The following MTUS1 variants were observed in gnomAD, a reference collection of about 807,000 sequenced individuals.
MTUS1 encodes microtubule-associated tumor suppressor 1.
In MTUS1, 109 loss-of-function variants were observed where a neutral mutation model predicts 120.8. That is an observed-to-expected ratio of 0.90 (90% confidence interval 0.77 to 1.06). The LOEUF is 1.06. Ranked by LOEUF, MTUS1 falls within the 50% of genes least tolerant of loss-of-function variation. The pLI, the probability that MTUS1 is intolerant of heterozygous loss-of-function variation, is 0.00. For synonymous variants in MTUS1, 737 were observed against 550.5 expected (o/e 1.34, Z -4.74); for missense variants, 2,210 against 1,486.3 (o/e 1.49, Z -8.01).
intron 6 of MTUS1, among the ~76,000 whole-genome samples, chr8:17,686,964 T>A (rs1043568613): frequency 6.6e-6 from 1 of 152,180 alleles, no homozygotes; most frequent in African/African-American, 2.4e-5. Context: ...TTCGAGGACA[T>A]ACATTTTTTA....
chr8:17,676,537 C>A, intron 7 of MTUS1: 1 of 576,850 alleles, frequency 1.7e-6, no homozygotes, highest in East Asian at 2.8e-5. Flanking sequence ...CAGCTTCTGC[C>A]TTTGGCACAG....
chr8:17,744,361 C>A (rs1156517317), intron 2 of MTUS1, among the ~76,000 whole-genome samples: 1 of 152,206 alleles, frequency 6.6e-6, no homozygotes, highest in African/African-American at 2.4e-5. Flanking sequence ...TTGGTCTCCA[C>A]AGCCCCTTAT....
At chr8:17,664,681 G>A (rs1462395129) in intron 8 of MTUS1, among the ~76,000 whole-genome samples, 3 of 152,064 alleles carry the variant, frequency 2.0e-5, no homozygotes, top group Non-Finnish European at 4.4e-5. Flanking sequence ...CCAGAAGCAG[G>A]AGGGGACACT....
chr8:17,785,260 A>T (rs1393526976), intron 1 of MTUS1, among the ~76,000 whole-genome samples: 1 of 152,226 alleles, frequency 6.6e-6, no homozygotes, highest in African/African-American at 2.4e-5. Context: ...ATAATTACAA[A>T]AACTGCAAAG....
chr8:17,717,924 A>C (rs569722914), intron 4 of MTUS1, among the ~76,000 whole-genome samples: 27 of 152,362 alleles, frequency 1.8e-4, no homozygotes, highest in African/African-American at 6.3e-4. Context: ...TGACTCAGGT[A>C]CAAACACACA....
At position 17,776,321 on chromosome 8, in the gene MTUS1, G is replaced by C. The variant is rs955389555; in HGVS notation, c.-154-20360C>G. 3.9e-5 allele frequency among the ~76,000 whole-genome samples: 6 copies of C among 152,044 alleles called. No homozygotes were observed. The South Asian group carries it at 1.2e-3, about 32-fold the overall frequency. On this transcript the variant is annotated intron_variant, in intron 1 of 14. Transcript: ENST00000693296. Reference sequence around the variant, plus strand: ...ACGAACTTAGGCATTCTCAGATTTTGGTATTGACGGTGGGGGCGGGGGTGA... The same window carrying C: ...ACGAACTTAGGCATTCTCAGATTTTCGTATTGACGGTGGGGGCGGGGGTGA...
At chr8:17,680,261 T>A (rs1435181225) in intron 7 of MTUS1, among the ~76,000 whole-genome samples, 1 of 151,774 alleles carries the variant, frequency 6.6e-6, no homozygotes, top group African/African-American at 2.4e-5. Context: ...GTGAGGACTT[T>A]AAGACCAGCC....
At chr8:17,688,281 G>C (rs903791864) in intron 6 of MTUS1, among the ~76,000 whole-genome samples, 1 of 152,210 alleles carries the variant, frequency 6.6e-6, no homozygotes, top group Non-Finnish European at 1.5e-5. Context: ...CTGCCCTGGT[G>C]CTTTGCGGGG....
chr8:17,680,455 C>G (rs1444434919), intron 7 of MTUS1, among the ~76,000 whole-genome samples: 1 of 90,472 alleles, frequency 1.1e-5, no homozygotes, highest in Admixed American at 2.0e-4. Context: ...CAGAGCAAGG[C>G]CACTGTCGCA....
intron 8 of MTUS1, among the ~76,000 whole-genome samples, chr8:17,674,186 C>T (rs1366357564): frequency 6.6e-6 from 1 of 151,918 alleles, no homozygotes; most frequent in Non-Finnish European, 1.5e-5. Context: ...ACCTATAATC[C>T]CAGTACTTTG....
chr8:17,707,426 C>A (rs1820392503), intron 6 of MTUS1, among the ~76,000 whole-genome samples: 1 of 152,126 alleles, frequency 6.6e-6, no homozygotes, highest in Admixed American at 6.5e-5. Flanking sequence ...TAATAACTAA[C>A]CATCGAGAAG....
intron 5 of MTUS1, among the ~76,000 whole-genome samples, chr8:17,714,104 T>TA (rs1821858310): frequency 2.0e-5 from 3 of 151,602 alleles, no homozygotes; most frequent in South Asian, 4.2e-4. Flanking sequence ...TCATCATCAA[T>TA]AAAAAACCAC....
intron 8 of MTUS1, among the ~76,000 whole-genome samples, chr8:17,663,610 T>G (rs371263607): frequency 1.8e-4 from 6 of 32,972 alleles, no homozygotes; most frequent in Non-Finnish European, 6.7e-4. Flanking sequence ...GTTTTGTTTT[T>G]TTTGAGACAG....
At chr8:17,757,987 C>G (rs2048752295) in intron 1 of MTUS1, among the ~76,000 whole-genome samples, 1 of 151,968 alleles carries the variant, frequency 6.6e-6, no homozygotes, top group African/African-American at 2.4e-5. Context: ...TTTGTTAACT[C>G]TTTTTACTAC....
At chr8:17,746,039 C>T (rs187934098) in intron 2 of MTUS1, among the ~76,000 whole-genome samples, 169 of 152,352 alleles carry the variant, frequency 1.1e-3, no homozygotes, top group African/African-American at 3.7e-3. Context: ...ACATTGCAGC[C>T]TTGCTTCCTG....
chr8:17,722,079 C>T (rs403950), intron 4 of MTUS1: 1,321,539 of 1,330,014 alleles, frequency 0.99, 656,937 homozygotes, highest in Non-Finnish European at 1. Context: ...AAGAGACTCA[C>T]TGATTTGAAT....
chr8:17,800,908 CG>C lies in MTUS1; in HGVS notation c.-155+152del, dbSNP rs1475187276. ...CCCGCCTCCGCTCCGCCGGCGCTGC[CG>C]CCCCCTTTAGCCCTCAGCTTCGGCC... On this transcript the variant is annotated intron_variant, in intron 1 of 14. Coordinates refer to ENST00000693296, the MANE Select transcript of MTUS1 (RefSeq NM_001363059.2). The C allele has an allele frequency of 2.0e-5, 3 of 152,756 alleles. 1 individual carries two copies. In the East Asian group the frequency reaches 5.8e-4, roughly 30 times the overall value. 9.5% of individuals were successfully genotyped at this position (152,756 alleles called of 1,614,324 possible). A position where few individuals can be genotyped will look rare whatever the true frequency, so the allele number is the denominator to read the frequency against.
Position 17,723,797 on chromosome 8 carries a change from C to T in MTUS1, c.2324G>A (p.Trp775Ter). The T allele has an allele frequency of 1.2e-6, 2 of 1,604,334 alleles. No individual in the cohort carries two copies. Among genetic ancestry groups the T allele is most frequent in the East Asian group, 2.2e-5 (1 of 44,834 alleles). ...AGGAAGTGGTCTAGGCAAATTCACC[C>T]ATGACGACTGTGCAGTTTTCAAGGA... Reference protein sequence around the residue: ...PTSLKTAQSSWVNLPRPLPKS... With the variant: ...PTSLKTAQSS The change falls in exon 4 of 15, where the codon TGG becomes TAG. Residue 775 changes from tryptophan to a stop codon, truncating the protein, a stop_gained. Coordinates refer to ENST00000693296, the MANE Select transcript of MTUS1 (RefSeq NM_001363059.2). LOFTEE classifies it high-confidence loss of function.
At position 17,675,226 on chromosome 8, in the gene MTUS1, T is replaced by G. The variant is rs764424468; in HGVS notation, c.2865A>C (p.Lys955Asn). 6.2e-7 allele frequency: 1 copy of G among 1,614,146 alleles called. No individual in the cohort carries two copies. ...SEREEALKQH[K>N]TLSQELVNLR... Reference sequence around the variant, plus strand: ...GGTTAACAAGTTCTTGAGATAGGGTTTTGTGTTGTTTCAGTGCTTCCTCCC... The same window carrying G: ...GGTTAACAAGTTCTTGAGATAGGGTGTTGTGTTGTTTCAGTGCTTCCTCCC... Residue 955 changes from lysine to asparagine, a missense_variant, in exon 8 of 15, where the codon AAA (lysine) becomes AAC (asparagine). Transcript: ENST00000693296.
Sources: allele counts gnomAD v4.1 joint callset (sites outside exome capture counted in the v4.1 genomes callset), GRCh38; gene constraint gnomAD v4.1.1; transcripts MANE v1.5; gene names NCBI Gene and HGNC (gene_info 2026-07-23, HGNC 2026-07-21).